Variants in FGGY observed in about 807,000 individuals in gnomAD.
The protein encoded by FGGY is FGGY carbohydrate kinase domain containing.
A neutral mutation model predicts 71.3 loss-of-function variants in FGGY; 72 were observed. The observed-to-expected ratio is 1.01, with a 90% confidence interval of 0.84 to 1.23. The LOEUF (loss-of-function observed/expected upper bound fraction) is 1.23, where lower values mean the gene tolerates loss of function less well. Among genes scored for constraint, FGGY ranks in the 50% most tolerant of loss-of-function variants. The probability of loss-of-function intolerance (pLI) is 0.00; values close to 1 mark genes in which losing one functional copy is unlikely to be tolerated. For synonymous variants in FGGY, 251 were observed against 250.3 expected (o/e 1.00, Z -0.02); for missense variants, 668 against 682.3 (o/e 0.98, Z 0.23).
At chr1:59,604,907 T>C (rs1464940753) in intron 8 of FGGY, among the ~76,000 whole-genome samples, 1 of 152,192 alleles carries the variant, frequency 6.6e-6, no homozygotes, top group Non-Finnish European at 1.5e-5. Context: ...AAAGAAGCTC[T>C]GGGACTTAGG....
At chr1:59,346,947 CTTTTTTTTT>C (rs71580898) in intron 4 of FGGY, among the ~76,000 whole-genome samples, 1 of 112,192 alleles carries the variant, frequency 8.9e-6, no homozygotes, top group African/African-American at 3.3e-5. Context: ...AAAATCAATT[CTTTTTTTTT>C]TTTTTTTTTT....
intron 5 of FGGY, among the ~76,000 whole-genome samples, chr1:59,435,745 C>T (rs867717965): frequency 2.8e-5 from 4 of 142,350 alleles, no homozygotes; most frequent in South Asian, 2.3e-4. Flanking sequence ...TGTGTGCCTG[C>T]GTGTGTGTGT....
chr1:59,527,724 T>G (rs1484690551), intron 7 of FGGY, among the ~76,000 whole-genome samples: 1 of 152,350 alleles, frequency 6.6e-6, no homozygotes, highest in East Asian at 1.9e-4. Context: ...CTGTTTTAGT[T>G]AGAAATTACT....
intron 8 of FGGY, among the ~76,000 whole-genome samples, chr1:59,592,071 A>G (rs1031358548): frequency 1.4e-4 from 21 of 152,214 alleles, no homozygotes; most frequent in Non-Finnish European, 2.5e-4. Flanking sequence ...AGAATCTACA[A>G]TGAACTCAAA....
chr1:59,656,846 C>CT lies in FGGY; in HGVS notation c.1222-3368dup, dbSNP rs572587306. 5.5e-4 allele frequency among the ~76,000 whole-genome samples: 83 copies of CT among 152,266 alleles called. 1 individual carries two copies. The highest frequency in any genetic ancestry group is 1.9e-3 in the African/African-American group (80 of 41,554). On this transcript the variant is annotated intron_variant, in intron 11 of 15. Coordinates refer to ENST00000303721, the MANE Select transcript of FGGY (RefSeq NM_018291.5). The stretch of plus-strand genomic sequence containing the variant: ...AAAGCTATTTCACCCTCATGTGTCC[C>CT]TTTTTGCCATAGCTGCTAGCAAGCT...
intron 12 of FGGY, among the ~76,000 whole-genome samples, chr1:59,666,860 A>G (rs991626479): frequency 1.3e-5 from 2 of 152,170 alleles, no homozygotes; most frequent in African/African-American, 4.8e-5. Flanking sequence ...TTTAGTTCCC[A>G]TTTAGTAAAG....
At chr1:59,453,161 C>G (rs547595313) in intron 5 of FGGY, among the ~76,000 whole-genome samples, 1 of 152,170 alleles carries the variant, frequency 6.6e-6, no homozygotes, top group Non-Finnish European at 1.5e-5. Flanking sequence ...AATAGCACGT[C>G]CATATTACCC....
chr1:59,499,655 C>T (rs775702512), intron 6 of FGGY, among the ~76,000 whole-genome samples: 21 of 152,084 alleles, frequency 1.4e-4, no homozygotes, highest in Non-Finnish European at 1.3e-4. Context: ...AGAACATAGT[C>T]GTATTCCATT....
intron 5 of FGGY, among the ~76,000 whole-genome samples, chr1:59,441,089 T>C (rs1306201098): frequency 2.0e-5 from 3 of 152,176 alleles, no homozygotes; most frequent in African/African-American, 7.2e-5. Flanking sequence ...TTTATATATG[T>C]ACCCACATTT....
At position 59,762,657 on chromosome 1, in the gene FGGY, C is replaced by A; in HGVS notation, c.*73C>A. On this transcript the variant is annotated 3_prime_UTR_variant, in exon 16 of 16. Transcript: ENST00000303721. ...AAAGACTTGTCATTTGATCCATGTT[C>A]AAGACCCTTGAGGTATTGTTTCATC... is the stretch of plus-strand genomic sequence containing the variant. 2.7e-6 allele frequency: 3 copies of A among 1,119,218 alleles called. No homozygotes were observed. Among genetic ancestry groups the A allele is most frequent in the Admixed American group, 1.9e-5 (1 of 52,416 alleles). 69.3% of individuals were successfully genotyped at this position (1,119,218 alleles called of 1,614,324 possible). A position where few individuals can be genotyped will look rare whatever the true frequency, so the allele number is the denominator to read the frequency against.
intron 7 of FGGY, among the ~76,000 whole-genome samples, chr1:59,526,659 G>C (rs1261114583): frequency 6.6e-6 from 1 of 152,232 alleles, no homozygotes; most frequent in East Asian, 1.9e-4. Flanking sequence ...AGAAGCAGTA[G>C]TAGAATGTGC....
chr1:59,662,943 A>G (rs1433118058), intron 12 of FGGY, among the ~76,000 whole-genome samples: 1 of 152,250 alleles, frequency 6.6e-6, no homozygotes, highest in Non-Finnish European at 1.5e-5. Context: ...AAAGAGTCAT[A>G]GAATGAATAG....
intron 5 of FGGY, among the ~76,000 whole-genome samples, chr1:59,445,683 G>A (rs7550017): frequency 2.0e-5 from 3 of 151,996 alleles, no homozygotes; most frequent in Non-Finnish European, 2.9e-5. Context: ...GCTTTCTACA[G>A]CTCTGTGTTT....
At chr1:59,553,226 C>T (rs1349302021) in intron 7 of FGGY, among the ~76,000 whole-genome samples, 1 of 152,196 alleles carries the variant, frequency 6.6e-6, no homozygotes, top group Non-Finnish European at 1.5e-5. Context: ...TCTCTGCGTC[C>T]TGCCTGAGCA....
At chr1:59,516,085 A>T (rs1267632558) in intron 7 of FGGY, among the ~76,000 whole-genome samples, 1 of 89,208 alleles carries the variant, frequency 1.1e-5, no homozygotes, top group Non-Finnish European at 1.9e-5. Context: ...TATCCTTATT[A>T]TGCCTTCTTA....
At chr1:59,358,610 G>T (rs1408606051) in intron 4 of FGGY, among the ~76,000 whole-genome samples, 1 of 152,104 alleles carries the variant, frequency 6.6e-6, no homozygotes, top group Non-Finnish European at 1.5e-5. Context: ...TACTGTCCTT[G>T]CTTTATGACT....
chr1:59,672,788 G>A (rs919158611), intron 13 of FGGY, among the ~76,000 whole-genome samples: 3 of 152,200 alleles, frequency 2.0e-5, no homozygotes, highest in Admixed American at 6.5e-5. Context: ...GTAGAAGACA[G>A]TTTTTACACC....
chr1:59,692,786 G>A (rs1014291162), intron 14 of FGGY, among the ~76,000 whole-genome samples: 2 of 152,176 alleles, frequency 1.3e-5, no homozygotes, highest in African/African-American at 4.8e-5. Context: ...CAGATGTTGA[G>A]CCACTTTAAA....
intron 8 of FGGY, among the ~76,000 whole-genome samples, chr1:59,582,616 A>C (rs1274635784): frequency 6.7e-6 from 1 of 149,608 alleles, no homozygotes; most frequent in East Asian, 1.9e-4. Context: ...CAGGCATCTA[A>C]TATCCTCTCG....
Sources: gnomAD v4.1 joint callset for allele counts (sites outside exome capture counted in the v4.1 genomes callset) on GRCh38, gnomAD v4.1.1 for gene constraint, MANE v1.5 for transcripts, NCBI Gene and HGNC (gene_info 2026-07-23, HGNC 2026-07-21) for gene names.